Variants in KLF12 observed in about 807,000 individuals in gnomAD.
The protein encoded by KLF12 is Krueppel-like factor 12.
KLF12 carries 9 observed loss-of-function variants against 37.8 expected under a neutral mutation model. The ratio of observed to expected loss-of-function variants is 0.24; its 90% confidence interval spans 0.14 to 0.42. KLF12 has a LOEUF of 0.42. Ranked by LOEUF, KLF12 falls within the 10% of genes least tolerant of loss-of-function variation. The pLI is 1.00. For missense variants in KLF12, 411 were observed against 516.0 expected (o/e 0.80, Z 1.97); for synonymous variants, 208 against 202.1 (o/e 1.03, Z -0.25).
Position 74,097,697 on chromosome 13 carries a change from C to CAT in KLF12, c.-32+36040_-32+36041dup, listed in dbSNP as rs58038474. 7.5e-3 allele frequency among the ~76,000 whole-genome samples: 1,126 copies of CAT among 150,142 alleles called. 9 individuals carry two copies. The highest frequency in any genetic ancestry group is 0.024 in the African/African-American group (980 of 40,552). On this transcript the variant is annotated intron_variant, in intron 1 of 7. Transcript: ENST00000377669. ...ATACTTGAAAATACAATTTTATATA[C>CAT]ATATATATATATGTATTTGTGTGTG...
the KLF12 span, among the ~76,000 whole-genome samples, chr13:74,267,186 G>T: frequency 9.9e-5 from 15 of 152,172 alleles, no homozygotes; most frequent in Admixed American, 4.6e-4. Flanking sequence ...CTAATCCCCA[G>T]AATCTGTGAA....
intron 7 of KLF12, among the ~76,000 whole-genome samples, chr13:73,707,267 G>A (rs1875022996): frequency 6.6e-6 from 1 of 152,150 alleles, no homozygotes. Flanking sequence ...CATGTGTGAT[G>A]AGTATATGTA....
intron 5 of KLF12, among the ~76,000 whole-genome samples, chr13:73,782,953 G>A (rs908124354): frequency 2.6e-5 from 4 of 152,286 alleles, no homozygotes; most frequent in Admixed American, 6.5e-5. Flanking sequence ...TATTCTGTAC[G>A]CAGAGCAGTG....
intron 2 of KLF12, among the ~76,000 whole-genome samples, chr13:73,964,607 A>T (rs1238507488): frequency 5.1e-4 from 4 of 7,896 alleles, no homozygotes; most frequent in African/African-American, 1.2e-3. Context: ...GTCTCTACTT[A>T]AAAAAAAAAA....
chr13:73,845,291 C>T (rs538032395), intron 4 of KLF12, among the ~76,000 whole-genome samples: 2 of 152,206 alleles, frequency 1.3e-5, no homozygotes, highest in South Asian at 4.1e-4. Context: ...AGTCAAACAC[C>T]TAATTCTAGA....
At chr13:73,810,703 T>C (rs1882884008) in intron 5 of KLF12, among the ~76,000 whole-genome samples, 1 of 151,890 alleles carries the variant, frequency 6.6e-6, no homozygotes, top group Non-Finnish European at 1.5e-5. Flanking sequence ...GAAAACAATG[T>C]GATTAAAATG....
chr13:74,177,412 T>C, the KLF12 span, among the ~76,000 whole-genome samples: 1 of 152,168 alleles, frequency 6.6e-6, no homozygotes, highest in Non-Finnish European at 1.5e-5. Context: ...TAAAGCACTT[T>C]ATATATATTA....
At chr13:73,781,764 A>G (rs1880979765) in intron 5 of KLF12, among the ~76,000 whole-genome samples, 1 of 152,228 alleles carries the variant, frequency 6.6e-6, no homozygotes, top group Non-Finnish European at 1.5e-5. Context: ...AATTTCATAC[A>G]TGTAATCAAC....
At chr13:74,082,425 T>G (rs1271554750) in intron 1 of KLF12, among the ~76,000 whole-genome samples, 1 of 152,210 alleles carries the variant, frequency 6.6e-6, no homozygotes, top group East Asian at 1.9e-4. Flanking sequence ...TATAGGTAGC[T>G]AAGAGATTAT....
intron 1 of KLF12, among the ~76,000 whole-genome samples, chr13:74,089,688 C>A (rs904759578): frequency 6.8e-6 from 1 of 146,020 alleles, no homozygotes; most frequent in Non-Finnish European, 1.5e-5. Context: ...ACCACAGGAT[C>A]ATATGGAAAG....
At chr13:74,151,947 C>T in the KLF12 span, among the ~76,000 whole-genome samples, 149,177 of 152,346 alleles carry the variant, frequency 0.98, 73,122 homozygotes, top group Middle Eastern at 1. Flanking sequence ...AGAAGAGAGA[C>T]GAGGTGAACA....
At chr13:73,994,441 T>A (rs1370527758) in intron 2 of KLF12, among the ~76,000 whole-genome samples, 1 of 148,004 alleles carries the variant, frequency 6.8e-6, no homozygotes, top group Admixed American at 6.9e-5. Flanking sequence ...TACCCACCAT[T>A]TGAGGACTGT....
At chr13:73,891,243 C>T (rs181055094) in intron 3 of KLF12, among the ~76,000 whole-genome samples, 165 of 152,030 alleles carry the variant, frequency 1.1e-3, no homozygotes, top group African/African-American at 3.8e-3. Flanking sequence ...AAACTTCAGC[C>T]AGAAAACATT....
At chr13:74,074,845 A>G (rs1874474147) in intron 1 of KLF12, among the ~76,000 whole-genome samples, 1 of 152,168 alleles carries the variant, frequency 6.6e-6, no homozygotes. Context: ...AAAAAGACAG[A>G]CAAATGAGGA....
At chr13:74,170,518 T>C in the KLF12 span, among the ~76,000 whole-genome samples, 1 of 152,206 alleles carries the variant, frequency 6.6e-6, no homozygotes, top group Non-Finnish European at 1.5e-5. Flanking sequence ...TGTACCCTTG[T>C]TTTGCCCTGC....
intron 5 of KLF12, among the ~76,000 whole-genome samples, chr13:73,807,585 T>C (rs1167819833): frequency 6.6e-6 from 1 of 152,186 alleles, no homozygotes; most frequent in Non-Finnish European, 1.5e-5. Context: ...TTAAAAAGAA[T>C]ATCCTTTTCA....
rs116847409 is a variant in KLF12 at position 73,729,196 on chromosome 13, T to C, written c.870-13671A>G. Among the ~76,000 whole-genome samples, 44 of 152,326 alleles carry C rather than the reference T, an allele frequency of 2.9e-4. No individual in the cohort carries two copies. The East Asian group carries it at 6.7e-3, about 23-fold the overall frequency. ...ATCCCTATTTACCTGTGAAGAAAGA[T>C]CAAACAAGAACTTTGCAAGTTTTAA... On this transcript the variant is annotated intron_variant, in intron 6 of 7. Coordinates refer to ENST00000377669, the MANE Select transcript of KLF12 (RefSeq NM_007249.5).
At chr13:74,255,884 G>A in the KLF12 span, among the ~76,000 whole-genome samples, 26 of 152,164 alleles carry the variant, frequency 1.7e-4, no homozygotes, top group Non-Finnish European at 3.4e-4. Context: ...GGCCGGGCAC[G>A]GTGGCTCACG....
chr13:73,738,124 T>TATATATATAC (rs1305200790), intron 6 of KLF12, among the ~76,000 whole-genome samples: 4 of 81,904 alleles, frequency 4.9e-5, no homozygotes, highest in South Asian at 3.7e-4. Flanking sequence ...TATATATATA[T>TATATATATAC]ACACACACAC....
Sources: gnomAD v4.1 joint callset for allele counts (sites outside exome capture counted in the v4.1 genomes callset) on GRCh38, gnomAD v4.1.1 for gene constraint, MANE v1.5 for transcripts, NCBI Gene and HGNC (gene_info 2026-07-23, HGNC 2026-07-21) for gene names.